The following BGN variants were observed in gnomAD, a reference collection of about 807,000 sequenced individuals.
BGN encodes biglycan.
In BGN, 6 loss-of-function variants were observed where a neutral mutation model predicts 20.0. That is an observed-to-expected ratio of 0.30 (90% confidence interval 0.16 to 0.59). BGN has a LOEUF of 0.59. BGN is among the 20% of genes least tolerant of loss of function. The pLI is 0.88. For missense variants in BGN, 292 were observed against 312.1 expected, an observed-to-expected ratio of 0.94 and a Z score of 0.49; for synonymous variants, 146 against 134.6, an observed-to-expected ratio of 1.08 and a Z score of -0.59.
intron 1 of BGN, among the ~76,000 whole-genome samples, chrX:153,499,907 G>A (rs1430661698): frequency 1.8e-5 from 2 of 113,223 alleles, no homozygotes; most frequent in Non-Finnish European, 3.8e-5. Flanking sequence ...CAGTCCCGGG[G>A]ACCCCGCAGG....
In BGN at chrX:153,504,607, G is replaced by A. The variant is rs782246859; in HGVS notation, c.-11-14G>A. On this transcript the variant is annotated splice_polypyrimidine_tract_variant and intron_variant, in intron 1 of 7. Coordinates refer to ENST00000331595, the MANE Select transcript of BGN (RefSeq NM_001711.6). ...GGGTGCTGGTGCTGATGATCCCCTC[G>A]CCTCTTCCCCCAGGTCCATCCGCCA... is the stretch of plus-strand genomic sequence containing the variant. The A allele has an allele frequency of 4.9e-5, 57 of 1,156,585 alleles. 1 individual carries two copies. In the South Asian group the frequency reaches 8.4e-4, roughly 17 times the overall value.
intron 1 of BGN, among the ~76,000 whole-genome samples, chrX:153,496,948 G>GCCCCCCCCCCC (rs782676136): frequency 5.2e-5 from 3 of 57,196 alleles, no homozygotes; most frequent in African/African-American, 1.6e-4. Flanking sequence ...TGCTTCCCGG[G>GCCCCCCCCCCC]CCCACCCCCC....
intron 1 of BGN, among the ~76,000 whole-genome samples, chrX:153,503,368 G>A (rs941573981): frequency 1.6e-4 from 18 of 112,400 alleles, no homozygotes; most frequent in African/African-American, 5.2e-4. Flanking sequence ...TCTCCTGGGC[G>A]TGCGACTGCT....
Position 153,504,776 on chromosome X carries a change from G to A in BGN, c.145G>A (p.Val49Ile), listed in dbSNP as rs148067596. The change falls in exon 2 of 8, where the codon GTC becomes ATC. Residue 49 changes from valine to isoleucine, a missense_variant. Transcript: ENST00000331595. Reference protein sequence around the residue: ...EEASGADTSGVLDPDSVTPTY... With the variant: ...EEASGADTSGILDPDSVTPTY... ...AGCTTCGGGCGCTGACACCTCGGGC[G>A]TCCTGGACCCGGACTCTGTCACACC... 1.6e-5 allele frequency: 19 copies of A among 1,210,205 alleles called. No homozygotes were observed. The East Asian group carries it at 2.7e-4, about 17-fold the overall frequency.
chrX:153,504,993 G>A, intron 2 of BGN, 124 bp downstream of exon 2: 2 of 789,053 alleles, frequency 2.5e-6, no homozygotes, highest in South Asian at 2.5e-5. Context: ...AAGTGTAGGA[G>A]GGGTCCAGCC....
chrX:153,508,516 G>C lies in BGN; in HGVS notation c.*71G>C, dbSNP rs1295121522. 6 of 1,116,057 alleles carry C rather than the reference G, an allele frequency of 5.4e-6. No homozygotes were observed. Among genetic ancestry groups the C allele is most frequent in the Non-Finnish European group, 7.3e-6 (6 of 825,474 alleles). The allele number at this position is 1,116,057 out of a possible 1,213,427, so 92.0% of individuals were successfully genotyped here. A position where few individuals can be genotyped will look rare whatever the true frequency, so the allele number is the denominator to read the frequency against. ...ACACAGCCAGACATCCTGATGGGGA[G>C]GCAGAGCCAGGAAGCTAAGCCAGGG... On this transcript the variant is annotated 3_prime_UTR_variant, in exon 8 of 8. Transcript: ENST00000331595.
Position 153,508,097 on chromosome X carries a change from C to T in BGN, c.910-151C>T. 4 of 578,130 alleles carry T rather than the reference C, an allele frequency of 6.9e-6. No individual in the cohort carries two copies. In the East Asian group the frequency reaches 1.3e-4, roughly 19 times the overall value. 47.6% of individuals were successfully genotyped at this position (578,130 alleles called of 1,213,427 possible). On this transcript the variant is annotated intron_variant, in intron 7 of 7. Coordinates refer to ENST00000331595, the MANE Select transcript of BGN (RefSeq NM_001711.6). ...GCTGACACCCACACAAATAACACGC[C>T]CATGCCTTGGTTTGCTCCTCCCAAC...
chrX:153,497,970 G>T (rs1188196615), intron 1 of BGN, among the ~76,000 whole-genome samples: 5 of 112,274 alleles, frequency 4.5e-5, no homozygotes, highest in African/African-American at 1.3e-4. Context: ...TGGCTCTTCC[G>T]AGGACTGCAG....
rs782659448 is a variant in BGN at position 153,508,358 on chromosome X, C to A, written c.1020C>A (p.Asn340Lys). The A allele has an allele frequency of 8.2e-7, 1 of 1,212,378 alleles. No homozygotes were observed. Among genetic ancestry groups the A allele is most frequent in the Admixed American group, 2.2e-5 (1 of 46,152 alleles). The change falls in exon 8 of 8, where the codon AAC (asparagine) becomes AAA (lysine). Residue 340 changes from asparagine to lysine, a missense_variant. Transcript: ENST00000331595. ...ACAACGGCATCAGCCTCTTCAACAA[C>A]CCCGTGCCCTACTGGGAGGTGCAGC... ...AYYNGISLFN[N>K]PVPYWEVQPA...
At chrX:153,506,400 G>T (rs2067351317) in intron 4 of BGN, 129 bp from the exon 5 acceptor site, 4 of 608,399 alleles carry the variant, frequency 6.6e-6, no homozygotes, top group Non-Finnish European at 1.0e-5. Flanking sequence ...CGGTAAATTA[G>T]CAGAACTGCT....
At chrX:153,501,959 C>T (rs923210612) in intron 1 of BGN, among the ~76,000 whole-genome samples, 5 of 112,228 alleles carry the variant, frequency 4.5e-5, no homozygotes, top group Admixed American at 9.3e-5. Flanking sequence ...CAGCTGGTCC[C>T]GGGAACCCGC....
chrX:153,507,237 C>T lies in BGN; in HGVS notation c.909+52C>T, dbSNP rs554086179. 2.9e-5 allele frequency: 33 copies of T among 1,147,065 alleles called. No individual in the cohort carries two copies. The East Asian group carries it at 6.4e-4, about 22-fold the overall frequency. 94.5% of individuals were successfully genotyped at this position (1,147,065 alleles called of 1,213,427 possible). ...TTCCCTAAGGCTGGGCTGGGGGAGG[C>T]GTGTGTGTCCCCGGGCAGTCCCTCA... On this transcript the variant is annotated intron_variant, in intron 7 of 7. Coordinates refer to ENST00000331595, the MANE Select transcript of BGN (RefSeq NM_001711.6).
chrX:153,506,381 C>T, intron 4 of BGN, 148 bp from the exon 5 acceptor site: 1 of 542,534 alleles, frequency 1.8e-6, no homozygotes. Context: ...TAGGAGTTTG[C>T]AATTAGCCCG....
At position 153,504,745 on chromosome X, in the gene BGN, T is replaced by TGAG. The variant is rs782258267; in HGVS notation, c.117_119dup (p.Glu40dup). On this transcript the variant is annotated inframe_insertion, in exon 2 of 8. Coordinates refer to ENST00000331595, the MANE Select transcript of BGN (RefSeq NM_001711.6). Reference sequence around the variant, plus strand: ...ACGATGGGCCATTCATGATGAACGATGAGGAAGCTTCGGGCGCTGACACCT... The same window carrying TGAG: ...ACGATGGGCCATTCATGATGAACGATGAGGAGGAAGCTTCGGGCGCTGACACCT... The TGAG allele has an allele frequency of 1.7e-6, 2 of 1,210,143 alleles. No individual in the cohort carries two copies. The highest frequency in any genetic ancestry group is 3.5e-5 in the South Asian group (2 of 56,843).
chrX:153,497,758 C>T (rs2089729756), intron 1 of BGN, among the ~76,000 whole-genome samples: 1 of 111,293 alleles, frequency 9.0e-6, no homozygotes, highest in Non-Finnish European at 1.9e-5. Flanking sequence ...CTTCATTCCT[C>T]CTTCCCCAGG....
intron 1 of BGN, among the ~76,000 whole-genome samples, chrX:153,497,399 G>A (rs2089726393): frequency 9.1e-6 from 1 of 109,864 alleles, no homozygotes; most frequent in African/African-American, 3.3e-5. Flanking sequence ...AGCGCAACCC[G>A]GGATCCTGCC....
intron 1 of BGN, among the ~76,000 whole-genome samples, chrX:153,501,094 T>C (rs368669770): frequency 8.9e-6 from 1 of 112,283 alleles, no homozygotes; most frequent in East Asian, 2.8e-4. Flanking sequence ...TGTATAGGTG[T>C]GTGCATGTGT....
At position 153,495,019 on chromosome X, in the gene BGN, G is replaced by A. The variant is rs1236163148; in HGVS notation, c.-106G>A. On this transcript the variant is annotated 5_prime_UTR_variant, in exon 1 of 8. Coordinates refer to ENST00000331595, the MANE Select transcript of BGN (RefSeq NM_001711.6). Reference sequence around the variant, plus strand: ...TGCCCAGGAGTGAGTAGCTGCTTTCGGTCCGCCGGACACACCGGACAGATA... The same window carrying A: ...TGCCCAGGAGTGAGTAGCTGCTTTCAGTCCGCCGGACACACCGGACAGATA... 9.2e-6 allele frequency: 1 copy of A among 108,591 alleles called. No individual in the cohort carries two copies. Among genetic ancestry groups the A allele is most frequent in the Non-Finnish European group, 1.9e-5 (1 of 52,219 alleles). The allele number at this position is 108,591 out of a possible 1,213,427, so 8.9% of individuals were successfully genotyped here. A position where few individuals can be genotyped will look rare whatever the true frequency, so the allele number is the denominator to read the frequency against.
At chrX:153,500,566 T>C (rs1206222839) in intron 1 of BGN, among the ~76,000 whole-genome samples, 1 of 112,395 alleles carries the variant, frequency 8.9e-6, no homozygotes, top group Non-Finnish European at 1.9e-5. Context: ...GCCTTATCTA[T>C]GTGTGGATAT....
Sources: gnomAD v4.1 joint callset for allele counts (sites outside exome capture counted in the v4.1 genomes callset) on GRCh38, gnomAD v4.1.1 for gene constraint, MANE v1.5 for transcripts, NCBI Gene and HGNC (gene_info 2026-07-23, HGNC 2026-07-21) for gene names.